JAG1: variants seen among roughly 807,000 people sequenced by gnomAD.
JAG1 encodes the protein jagged canonical Notch ligand 1.
Under a neutral mutation model 148.7 loss-of-function variants are expected in JAG1, and 23 were observed. The ratio of observed to expected loss-of-function variants is 0.15; its 90% CI spans 0.11 to 0.22. The LOEUF (loss-of-function observed/expected upper bound fraction) is 0.22. Among genes scored for constraint, JAG1 ranks in the 10% least tolerant of loss-of-function variants. The pLI is 1.00. For synonymous variants in JAG1, 572 were observed against 598.3 expected (o/e 0.96, Z 0.64); for missense variants, 1,054 against 1,611.2 (o/e 0.65, Z 5.92).
At position 10,658,481 on chromosome 20, in the gene JAG1, G is replaced by A. The variant is rs748982554; in HGVS notation, c.681C>T (p.Pro227=). Residue 227 remains proline, a synonymous_variant, in exon 4 of 26, where the codon CCC becomes CCT. Transcript: ENST00000254958. ...NKTCMEGWMG[P]ECNRAICRQG... ...ACACACACATACCTCTGTTACATTC[G>A]GGGCCCATCCAGCCTTCCATGCAAG... 18 of 1,613,914 alleles carry A rather than the reference G, an allele frequency of 1.1e-5. No homozygotes were observed. The highest frequency in any genetic ancestry group is 2.2e-5 in the South Asian group (2 of 91,086).
intron 3 of JAG1, among the ~76,000 whole-genome samples, chr20:10,659,080 G>A (rs1468015408): frequency 6.6e-6 from 1 of 152,164 alleles, no homozygotes. Flanking sequence ...TCTAGAAATG[G>A]AAGTGCTGAA....
At chr20:10,652,036 C>CT (rs1298888486) in intron 7 of JAG1, 95 bp downstream of exon 7, 125 of 1,407,392 alleles carry the variant, frequency 8.9e-5, no homozygotes, top group South Asian at 5.7e-4. Flanking sequence ...GCTATTTTCA[C>CT]TTTTTTTTCC....
intron 5 of JAG1, among the ~76,000 whole-genome samples, chr20:10,655,909 C>G (rs976531764): frequency 1.3e-5 from 2 of 152,152 alleles, no homozygotes; most frequent in Non-Finnish European, 2.9e-5. Context: ...GATTCCAGGG[C>G]AGCCATTAAC....
In JAG1 at chr20:10,659,559, C is replaced by CTTTTTT. The variant is rs35826283; in HGVS notation, c.440-843_440-838dup. ...GGAAGCCAAGGAGACGATTAAGTTA[C>CTTTTTT]TTTTTTTTTTTTTTTTTTTTTTTTT... On this transcript the variant is annotated intron_variant, in intron 3 of 25. Coordinates refer to ENST00000254958, the MANE Select transcript of JAG1 (RefSeq NM_000214.3). Among the ~76,000 whole-genome samples the CTTTTTT allele has an allele frequency of 7.2e-3, 752 of 105,116 alleles. 111 individuals carry two copies. Among genetic ancestry groups the CTTTTTT allele is most frequent in the African/African-American group, 0.023 (626 of 27,184 alleles). 69.0% of individuals were successfully genotyped at this position (105,116 alleles called of 152,430 possible).
chr20:10,667,296 G>A (rs901638171), intron 2 of JAG1, among the ~76,000 whole-genome samples: 7 of 152,198 alleles, frequency 4.6e-5, no homozygotes, highest in Non-Finnish European at 8.8e-5. Context: ...ACAGTCAGTC[G>A]GCTCCCAGGG....
chr20:10,665,320 GAAATAT>G (rs2067446081), intron 2 of JAG1, among the ~76,000 whole-genome samples: 1 of 152,158 alleles, frequency 6.6e-6, no homozygotes, highest in African/African-American at 2.4e-5. Flanking sequence ...GAATTCAGCC[GAAATAT>G]GTTTCATACT....
At position 10,639,694 on chromosome 20, in the gene JAG1, G is replaced by C. The variant is rs1174932533; in HGVS notation, c.3461C>G (p.Ser1154Cys). Residue 1154 changes from serine to cysteine, a missense_variant, in exon 26 of 26, where the codon TCT (serine) becomes TGT (cysteine). Ser to Cys is a moderately radical substitution (Grantham distance 112). Around this residue, in one of 6 missense-constraint regions of JAG1, gnomAD observed 177 missense variants for 177.3 expected, o/e 1.00. Coordinates refer to ENST00000254958, the MANE Select transcript of JAG1 (RefSeq NM_000214.3). ...SKMSKIRTHN[S>C]EVEEDDMDKH... is the part of the protein sequence containing the mutation. ...GTCCATGTCGTCCTCTTCTACTTCAGAATTGTGTGTCCTTATTTTAGACAT... is the reference window on the plus strand; with the variant it reads ...GTCCATGTCGTCCTCTTCTACTTCACAATTGTGTGTCCTTATTTTAGACAT... The C allele has an allele frequency of 1.9e-6, 3 of 1,614,192 alleles. No homozygotes were observed. The highest frequency in any genetic ancestry group is 2.5e-6 in the Non-Finnish European group (3 of 1,180,036).
intron 2 of JAG1, among the ~76,000 whole-genome samples, chr20:10,668,895 ATCT>A (rs1356712831): frequency 6.6e-6 from 1 of 152,182 alleles, no homozygotes; most frequent in African/African-American, 2.4e-5. Context: ...TTCTAAAAAC[ATCT>A]TAAGTCCCTG....
intron 10 of JAG1, 95 bp from the exon 11 acceptor site, chr20:10,649,202 A>C (rs1287544669): frequency 1.2e-6 from 1 of 866,066 alleles, no homozygotes; most frequent in East Asian, 2.6e-5. Flanking sequence ...GATAAGTTTC[A>C]AATCAGATTT....
intron 2 of JAG1, among the ~76,000 whole-genome samples, chr20:10,672,361 G>A (rs1291082893): frequency 6.6e-6 from 1 of 152,198 alleles, no homozygotes; most frequent in Non-Finnish European, 1.5e-5. Flanking sequence ...AAAGAGATCA[G>A]CTACAACGAT....
chr20:10,668,092 T>C (rs1288125340), intron 2 of JAG1, among the ~76,000 whole-genome samples: 1 of 107,262 alleles, frequency 9.3e-6, no homozygotes, highest in Non-Finnish European at 1.9e-5. Context: ...ACTGGCACCA[T>C]AAAAAAAAAA....
intron 5 of JAG1, among the ~76,000 whole-genome samples, chr20:10,653,794 A>T (rs1003738771): frequency 1.4e-4 from 22 of 152,148 alleles, no homozygotes; most frequent in Non-Finnish European, 2.6e-4. Flanking sequence ...AATTATAGGG[A>T]TCTAGCTAAT....
rs144935832 is a variant in JAG1 at position 10,652,487 on chromosome 20, G to A, written c.867C>T (p.Gly289=). ...CCATACCTTTGTCACAGAGCTGGCC[G>A]CCCCAGTTGGTCTCACAGAGGCACT... The part of the protein sequence containing the change: ...PWQCLCETNW[G]GQLCDKDLNY... The change falls in exon 6 of 26, where the codon GGC becomes GGT. Residue 289 remains glycine (G), a synonymous_variant. Transcript: ENST00000254958. 1.5e-5 allele frequency: 25 copies of A among 1,613,802 alleles called. No homozygotes were observed. The highest frequency in any genetic ancestry group is 6.7e-5 in the East Asian group (3 of 44,886).
chr20:10,644,807 G>T (rs1016499232), intron 18 of JAG1, 56 bp downstream of exon 18: 4 of 1,219,384 alleles, frequency 3.3e-6, no homozygotes, highest in Non-Finnish European at 4.9e-6. Flanking sequence ...AGTCCCCAAG[G>T]GTGTCAGGAT....
intron 2 of JAG1, 125 bp from the exon 3 acceptor site, chr20:10,664,139 G>T (rs2122632346): frequency 2.5e-6 from 2 of 795,140 alleles, no homozygotes; most frequent in Admixed American, 1.9e-5. Flanking sequence ...AAATTCTGTT[G>T]GTTGTTGCAT....
rs533880761 is a variant in JAG1 at position 10,661,397 on chromosome 20, T to C, written c.439+2566A>G. On this transcript the variant is annotated intron_variant, in intron 3 of 25. Coordinates refer to ENST00000254958, the MANE Select transcript of JAG1 (RefSeq NM_000214.3). ...TCAGCTTCTGCCCTGTGGAGTGCAG[T>C]CCAGAGGGAGTGGCTGAGGGTGAAG... is the stretch of plus-strand genomic sequence containing the variant. Among the ~76,000 whole-genome samples, 3 of 152,266 alleles carry C rather than the reference T, an allele frequency of 2.0e-5. No homozygotes were observed. The South Asian group carries it at 6.2e-4, about 32-fold the overall frequency.
At chr20:10,644,007 C>G in intron 19 of JAG1, 144 bp from the exon 20 acceptor site, 1 of 731,622 alleles carries the variant, frequency 1.4e-6, no homozygotes, top group South Asian at 1.5e-5. Context: ...AATACTGATG[C>G]CTGGGTCCCA....
At chr20:10,654,471 C>T (rs2067365974) in intron 5 of JAG1, among the ~76,000 whole-genome samples, 1 of 152,044 alleles carries the variant, frequency 6.6e-6, no homozygotes. Flanking sequence ...AGCATGTATA[C>T]CCAGGGAAAG....
At chr20:10,641,359 T>G in intron 23 of JAG1, 101 bp downstream of exon 23, 4 of 1,526,428 alleles carry the variant, frequency 2.6e-6, no homozygotes, top group Non-Finnish European at 3.6e-6. Flanking sequence ...AAAACAGGAA[T>G]GTAAGCTAGG....
Sources: allele counts gnomAD v4.1 joint callset (sites outside exome capture counted in the v4.1 genomes callset), GRCh38; gene constraint gnomAD v4.1.1; regional missense constraint gnomAD v4.1.1; transcripts MANE v1.5; gene names NCBI Gene and HGNC (gene_info 2026-07-23, HGNC 2026-07-21).